Variants in PRDM13 observed in about 807,000 individuals in gnomAD.
PRDM13 encodes the protein PR/SET domain 13, also known as PR domain zinc finger protein 13.
A neutral mutation model predicts 36.4 loss-of-function variants in PRDM13; 15 were observed. The ratio of observed to expected loss-of-function variants is 0.41; its 90% CI spans 0.28 to 0.64. PRDM13 has a LOEUF of 0.64. PRDM13 is among the 30% of genes least tolerant of loss of function. The pLI, the probability that PRDM13 is intolerant of heterozygous loss-of-function variation, is 0.29. For missense variants in PRDM13, 1,044 were observed against 1,013.5 expected (o/e 1.03, Z -0.41); for synonymous variants, 531 against 467.7 (o/e 1.14, Z -1.75).
rs1408273723 is a variant in PRDM13 at position 99,613,213 on chromosome 6, A to G, written c.578A>G (p.Lys193Arg). 1.2e-6 allele frequency: 2 copies of G among 1,612,070 alleles called. No homozygotes were observed. The highest frequency in any genetic ancestry group is 1.7e-6 in the Non-Finnish European group (2 of 1,179,702). ...GCTGATGGCCTCGGTCTCTCCCCAA[A>G]ACCCCCGGCGCCCGATTTCGCCGCG... is the stretch of plus-strand genomic sequence containing the variant. ...PAADGLGLSP[K>R]PPAPDFAAPS... Residue 193 changes from lysine (K) to arginine (R), a missense_variant, in exon 4 of 4, where the codon AAA becomes AGA. Physicochemically the swap from Lys to Arg is conservative, Grantham distance 26. Around this residue, in one of 3 missense-constraint regions of PRDM13, gnomAD observed 921 missense variants for 865.2 expected, o/e 1.06. Transcript: ENST00000369215. This position sits in a 1 kb window ranked among gnomAD's most constrained non-coding sequence, Gnocchi z 6.1.
chr6:99,613,960 G>A lies in PRDM13; in HGVS notation c.1325G>A (p.Gly442Asp), dbSNP rs771559054. 1 of 1,594,382 alleles carries A rather than the reference G, an allele frequency of 6.3e-7. No homozygotes were observed. The highest frequency in any genetic ancestry group is 8.5e-7 in the Non-Finnish European group (1 of 1,173,578). The change falls in exon 4 of 4, where the codon GGC becomes GAC. Residue 442 changes from glycine to aspartate, a missense_variant. Coordinates refer to ENST00000369215, the MANE Select transcript of PRDM13 (RefSeq NM_021620.4). The surrounding 1 kb of genome is among the most constrained non-coding windows in gnomAD (Gnocchi z 6.1). ...TGCGCGCTGCCGCCCCTCGACCCGG[G>A]CGGTCTCAAAGCCTATCCGGGTGGT... ...ERCALPPLDP[G>D]GLKAYPGGEC...
In PRDM13 at chr6:99,607,780, G is replaced by T. The variant is rs553873016; in HGVS notation, c.144+602G>T. ...ACTGGCTCTGACGCGGGCTCCAAGG[G>T]CGAGGCGCGCCCATTCGCGCGGGGC... is the stretch of plus-strand genomic sequence containing the variant. On this transcript the variant is annotated intron_variant, in intron 1 of 3. Transcript: ENST00000369215. Among the ~76,000 whole-genome samples the T allele has an allele frequency of 3.8e-3, 586 of 152,346 alleles. 3 individuals are homozygous for T. The highest frequency in any genetic ancestry group is 0.014 in the African/African-American group (574 of 41,582).
chr6:99,608,548 G>A (rs1769985558), intron 1 of PRDM13, among the ~76,000 whole-genome samples, 193 bp from the exon 2 acceptor site: 1 of 152,158 alleles, frequency 6.6e-6, no homozygotes, highest in Non-Finnish European at 1.5e-5. Flanking sequence ...TGTTAGCATA[G>A]GTAGACTTTC....
rs1449078777 is a variant in PRDM13 at position 99,613,510 on chromosome 6, G to A, written c.875G>A (p.Arg292His). The A allele has an allele frequency of 1.3e-6, 2 of 1,513,446 alleles. No homozygotes were observed. Among genetic ancestry groups the A allele is most frequent in the South Asian group, 1.2e-5 (1 of 81,130 alleles). The allele number at this position is 1,513,446 out of a possible 1,614,324, so 93.8% of individuals were successfully genotyped here. A position where few individuals can be genotyped will look rare whatever the true frequency, so the allele number is the denominator to read the frequency against. Residue 292 changes from arginine to histidine, a missense_variant, in exon 4 of 4, where the codon CGC becomes CAC. Arg to His is a conservative substitution (Grantham distance 29). Around this residue, in one of 3 missense-constraint regions of PRDM13, gnomAD observed 921 missense variants for 865.2 expected, o/e 1.06. Coordinates refer to ENST00000369215, the MANE Select transcript of PRDM13 (RefSeq NM_021620.4). This position sits in a 1 kb window ranked among gnomAD's most constrained non-coding sequence, Gnocchi z 6.1. ...VGSLAFYPGV[R>H]SAFKPAGLAR... is the part of the protein sequence containing the mutation. ...AGCCTGGCTTTCTACCCCGGCGTGC[G>A]CTCAGCTTTCAAGCCCGCCGGCCTA...
intron 3 of PRDM13, among the ~76,000 whole-genome samples, chr6:99,611,454 A>G (rs1431543384): frequency 6.6e-6 from 1 of 152,148 alleles, no homozygotes; most frequent in African/African-American, 2.4e-5. Flanking sequence ...TTCATTTTAC[A>G]TGAATGTTCA....
chr6:99,610,784 C>T (rs1268415908), intron 3 of PRDM13, among the ~76,000 whole-genome samples: 7 of 152,114 alleles, frequency 4.6e-5, no homozygotes, highest in Non-Finnish European at 1.0e-4. Context: ...GGGCCACTAA[C>T]CTTTAGAAGC....
In PRDM13 at chr6:99,606,955, G is replaced by C; in HGVS notation, c.-80G>C. 1 of 1,450,962 alleles carries C rather than the reference G, an allele frequency of 6.9e-7. No homozygotes were observed. Among genetic ancestry groups the C allele is most frequent in the Non-Finnish European group, 9.1e-7 (1 of 1,103,410 alleles). 89.9% of individuals were successfully genotyped at this position (1,450,962 alleles called of 1,614,324 possible). On this transcript the variant is annotated 5_prime_UTR_variant, in exon 1 of 4. Coordinates refer to ENST00000369215, the MANE Select transcript of PRDM13 (RefSeq NM_021620.4). ...ACGTCGGGGCGCGGCTCTCTGGCTAGCGCGCAGCTCCAGCTCTGTCACTCG... is the reference window on the plus strand; with the variant it reads ...ACGTCGGGGCGCGGCTCTCTGGCTACCGCGCAGCTCCAGCTCTGTCACTCG...
Position 99,615,001 on chromosome 6 carries a change from A to C in PRDM13, c.*242A>C, listed in dbSNP as rs1583617562. On this transcript the variant is annotated 3_prime_UTR_variant, in exon 4 of 4. Transcript: ENST00000369215. ...GCTCGAGTGCCACCAGTACCTCCGC[A>C]CCCCGGGCCTCTGGACTTCTTGGAT... 1.7e-6 allele frequency: 1 copy of C among 574,500 alleles called. No individual in the cohort carries two copies. Among genetic ancestry groups the C allele is most frequent in the Non-Finnish European group, 3.0e-6 (1 of 337,080 alleles). The allele number at this position is 574,500 out of a possible 1,614,324, so 35.6% of individuals were successfully genotyped here. A position where few individuals can be genotyped will look rare whatever the true frequency, so the allele number is the denominator to read the frequency against.
At position 99,608,814 on chromosome 6, in the gene PRDM13, C is replaced by A; in HGVS notation, c.218C>A (p.Ala73Glu). The change falls in exon 2 of 4, where the codon GCA (alanine) becomes GAA (glutamate). Residue 73 changes from alanine to glutamate, a missense_variant. Transcript: ENST00000369215. ...SPLEWIGLIR[A>E]ARNSQEQTLE... ...CTGGAGTGGATAGGGTTAATCCGGG[C>A]AGCCAGAAACTCCCAGGAACAGACT... 1.2e-6 allele frequency: 2 copies of A among 1,613,864 alleles called. No individual in the cohort carries two copies. Among genetic ancestry groups the A allele is most frequent in the African/African-American group, 1.3e-5 (1 of 74,974 alleles).
rs978820776 is a variant in PRDM13 at position 99,615,193 on chromosome 6, T to C, written c.*434T>C. The C allele has an allele frequency of 5.2e-6, 1 of 191,484 alleles. No homozygotes were observed. Among genetic ancestry groups the C allele is most frequent in the Admixed American group, 5.3e-5 (1 of 18,886 alleles). The allele number at this position is 191,484 out of a possible 1,614,324, so 11.9% of individuals were successfully genotyped here. On this transcript the variant is annotated 3_prime_UTR_variant, in exon 4 of 4. Coordinates refer to ENST00000369215, the MANE Select transcript of PRDM13 (RefSeq NM_021620.4). ...TTTGAAACGACGTTTTGTGTGTGTATTTCACGTTAGCATTTCATTGCATAG... is the reference window on the plus strand; with the variant it reads ...TTTGAAACGACGTTTTGTGTGTGTACTTCACGTTAGCATTTCATTGCATAG...
intron 2 of PRDM13, 22 bp downstream of exon 2, chr6:99,608,894 A>G (rs1554265554): frequency 6.3e-7 from 1 of 1,590,922 alleles, no homozygotes; most frequent in South Asian, 1.1e-5. Flanking sequence ...TTCTCTCCAC[A>G]CCCCCCCACT....
At position 99,606,915 on chromosome 6, in the gene PRDM13, G is replaced by A; in HGVS notation, c.-120G>A. The A allele has an allele frequency of 7.5e-7, 1 of 1,326,108 alleles. No homozygotes were observed. Among genetic ancestry groups the A allele is most frequent in the Non-Finnish European group, 9.9e-7 (1 of 1,006,168 alleles). 82.1% of individuals were successfully genotyped at this position (1,326,108 alleles called of 1,614,324 possible). A position where few individuals can be genotyped will look rare whatever the true frequency, so the allele number is the denominator to read the frequency against. Reference sequence around the variant, plus strand: ...AGTGCATGCCCGCCCGCGTCACTCCGCGGGCGGAGGACGCACGTCGGGGCG... The same window carrying A: ...AGTGCATGCCCGCCCGCGTCACTCCACGGGCGGAGGACGCACGTCGGGGCG... On this transcript the variant is annotated 5_prime_UTR_variant, in exon 1 of 4. Transcript: ENST00000369215.
In PRDM13 at chr6:99,614,096, C is replaced by T. The variant is rs1200016485; in HGVS notation, c.1461C>T (p.Gly487=). 1 of 1,598,834 alleles carries T rather than the reference C, an allele frequency of 6.3e-7. No homozygotes were observed. Residue 487 remains glycine, a synonymous_variant, in exon 4 of 4, where the codon GGC becomes GGT. Coordinates refer to ENST00000369215, the MANE Select transcript of PRDM13 (RefSeq NM_021620.4). ...TAYYPLKLHF[G]GLLKYPESIS... is the part of the protein sequence containing the mutation. ...ATTACCCGCTCAAATTGCACTTCGG[C>T]GGGCTGCTGAAGTATCCGGAGTCCA...
In PRDM13 at chr6:99,613,930, A is replaced by C; in HGVS notation, c.1295A>C (p.Glu432Ala). Residue 432 changes from glutamate (E) to alanine (A), a missense_variant, in exon 4 of 4, where the codon GAG becomes GCG. Glu to Ala is a moderately radical substitution (Grantham distance 107, BLOSUM62 -1). Transcript: ENST00000369215. The surrounding 1 kb of genome is among the most constrained non-coding windows in gnomAD (Gnocchi z 6.1). ...QLPPAPGLPL[E>A]RCALPPLDPG... The stretch of plus-strand genomic sequence containing the variant: ...CCCCCTGCGCCGGGGTTGCCCCTCG[A>C]GCGCTGCGCGCTGCCGCCCCTCGAC... The C allele has an allele frequency of 6.3e-7, 1 of 1,587,936 alleles. No homozygotes were observed. The highest frequency in any genetic ancestry group is 1.4e-5 in the African/African-American group (1 of 71,840).
At position 99,613,732 on chromosome 6, in the gene PRDM13, G is replaced by C; in HGVS notation, c.1097G>C (p.Cys366Ser). 1.3e-6 allele frequency: 2 copies of C among 1,490,018 alleles called. No homozygotes were observed. Among genetic ancestry groups the C allele is most frequent in the Non-Finnish European group, 8.9e-7 (1 of 1,128,130 alleles). The allele number at this position is 1,490,018 out of a possible 1,614,324, so 92.3% of individuals were successfully genotyped here. ...GCGCACCACCACCACCATCCCAAGT[G>C]CCTGCTCGCTGGGGACCCGCCGCCG... ...HHAHHHHHPK[C>S]LLAGDPPPPP... Residue 366 changes from cysteine to serine, a missense_variant, in exon 4 of 4, where the codon TGC (cysteine) becomes TCC (serine). Transcript: ENST00000369215. This position sits in a 1 kb window ranked among gnomAD's most constrained non-coding sequence, Gnocchi z 6.1.
chr6:99,609,314 A>G lies in PRDM13; in HGVS notation c.397+7A>G, dbSNP rs1172830559. Reference sequence around the variant, plus strand: ...CCGACTCACGACGAGAAAGGTACCCATTCCAAAAGCGTGGATGGGCAAAAG... The same window carrying G: ...CCGACTCACGACGAGAAAGGTACCCGTTCCAAAAGCGTGGATGGGCAAAAG... On this transcript the variant is annotated splice_region_variant and intron_variant, in intron 3 of 3. Coordinates refer to ENST00000369215, the MANE Select transcript of PRDM13 (RefSeq NM_021620.4). The G allele has an allele frequency of 1.9e-6, 3 of 1,613,930 alleles. No homozygotes were observed. The highest frequency in any genetic ancestry group is 1.3e-5 in the African/African-American group (1 of 74,912).
chr6:99,609,090 A>G, intron 2 of PRDM13, 97 bp from the exon 3 acceptor site: 1 of 1,478,506 alleles, frequency 6.8e-7, no homozygotes, highest in South Asian at 1.3e-5. Flanking sequence ...CCAGGGTCAC[A>G]CAGCATCAGA....
chr6:99,612,460 T>A (rs1384066772), intron 3 of PRDM13, among the ~76,000 whole-genome samples: 1 of 152,172 alleles, frequency 6.6e-6, no homozygotes. Flanking sequence ...GGCAAAGTGT[T>A]TAAGGCTGGA....
Position 99,615,498 on chromosome 6 carries a change from G to A in PRDM13, c.*739G>A, listed in dbSNP as rs1211552711. ...TTTTATAATGACTGCTGTACAGTGGGTATAGTATTTTGGTTTTGGTTCCAG... is the reference window on the plus strand; with the variant it reads ...TTTTATAATGACTGCTGTACAGTGGATATAGTATTTTGGTTTTGGTTCCAG... On this transcript the variant is annotated 3_prime_UTR_variant, in exon 4 of 4. Transcript: ENST00000369215. 1.3e-5 allele frequency: 2 copies of A among 152,610 alleles called. No homozygotes were observed. The highest frequency in any genetic ancestry group is 2.9e-5 in the Non-Finnish European group (2 of 68,044). 9.5% of individuals were successfully genotyped at this position (152,610 alleles called of 1,614,324 possible). A position where few individuals can be genotyped will look rare whatever the true frequency, so the allele number is the denominator to read the frequency against.
Sources: gnomAD v4.1 joint callset for allele counts (sites outside exome capture counted in the v4.1 genomes callset) on GRCh38, gnomAD v4.1.1 for gene constraint, gnomAD v4.1.1 regional missense constraint, Gnocchi (gnomAD v3.1) non-coding constraint, MANE v1.5 for transcripts, NCBI Gene and HGNC (gene_info 2026-07-23, HGNC 2026-07-21) for gene names.